Variants in ZNF236 observed in about 807,000 individuals in gnomAD.
The protein encoded by ZNF236 is regulated by glucose.
ZNF236 carries 50 observed loss-of-function variants against 191.2 expected under a neutral mutation model. The observed-to-expected ratio is 0.26, with a 90% CI of 0.21 to 0.33. The LOEUF (loss-of-function observed/expected upper bound fraction) is 0.33, where lower values mean the gene tolerates loss of function less well. Among genes scored for constraint, ZNF236 ranks in the 10% least tolerant of loss-of-function variants. ZNF236 has a pLI of 1.00. For missense variants in ZNF236, 1,754 were observed against 2,374.5 expected, an observed-to-expected ratio of 0.74 and a Z score of 5.43; for synonymous variants, 907 against 928.8, an observed-to-expected ratio of 0.98 and a Z score of 0.43.
intron 3 of ZNF236, among the ~76,000 whole-genome samples, chr18:76,859,228 A>G: frequency 8.7e-6 from 1 of 114,828 alleles, no homozygotes; most frequent in Non-Finnish European, 1.8e-5. Context: ...GTGGAGGAGA[A>G]AGGGGGAGAG....
chr18:76,922,729 G>A (rs1051787829), intron 20 of ZNF236, among the ~76,000 whole-genome samples: 7 of 151,962 alleles, frequency 4.6e-5, no homozygotes, highest in East Asian at 1.9e-4. Flanking sequence ...GTTAATTTTT[G>A]TATTTTCAGT....
intron 26 of ZNF236, among the ~76,000 whole-genome samples, chr18:76,943,122 CAA>C (rs530931580): frequency 2.3e-5 from 2 of 85,882 alleles, no homozygotes; most frequent in African/African-American, 4.9e-5. Flanking sequence ...GACTCCGTCT[CAA>C]AAAAAAAAAA....
chr18:76,849,933 G>A (rs1378940382), intron 2 of ZNF236, among the ~76,000 whole-genome samples: 1 of 152,170 alleles, frequency 6.6e-6, no homozygotes, highest in African/African-American at 2.4e-5. Context: ...TAAAAAATAT[G>A]ACTTTTTAAA....
chr18:76,950,351 G>A (rs111881724), intron 27 of ZNF236, among the ~76,000 whole-genome samples: 222 of 152,242 alleles, frequency 1.5e-3, no homozygotes, highest in African/African-American at 4.5e-3. Context: ...AATGTTCACC[G>A]CATCATCACC....
At chr18:76,915,517 A>G (rs1967332974) in intron 18 of ZNF236, 130 bp from the exon 19 acceptor site, 1 of 838,628 alleles carries the variant, frequency 1.2e-6, no homozygotes, top group Admixed American at 2.7e-5. Flanking sequence ...TTTTTTAACC[A>G]AAGTCTGTTA....
intron 13 of ZNF236, among the ~76,000 whole-genome samples, chr18:76,907,689 T>A (rs1029598354): frequency 7.2e-6 from 1 of 139,180 alleles, no homozygotes; most frequent in Non-Finnish European, 1.6e-5. Flanking sequence ...TTGTGTGAGA[T>A]TTTTTTCTTT....
At chr18:76,937,437 G>A in intron 26 of ZNF236, 94 bp downstream of exon 26, 1 of 1,207,764 alleles carries the variant, frequency 8.3e-7, no homozygotes, top group Non-Finnish European at 1.1e-6. Flanking sequence ...AATAGTCTGA[G>A]CATTTTTTTT....
intron 1 of ZNF236, among the ~76,000 whole-genome samples, chr18:76,841,699 T>TTTC (rs1975511610): frequency 6.6e-6 from 1 of 150,990 alleles, no homozygotes; most frequent in Non-Finnish European, 1.5e-5. Flanking sequence ...TTTTTCTTTT[T>TTTC]TTTTTTTTTC....
At chr18:76,900,212 T>G (rs979927674) in intron 11 of ZNF236, among the ~76,000 whole-genome samples, 1 of 152,166 alleles carries the variant, frequency 6.6e-6, no homozygotes, top group African/African-American at 2.4e-5. Flanking sequence ...GATTTTAGAT[T>G]GTTATAAATT....
chr18:76,915,725 A>T lies in ZNF236; in HGVS notation c.3140A>T (p.His1047Leu). Residue 1047 changes from histidine to leucine, a missense_variant, in exon 19 of 31, where the codon CAT becomes CTT. By Grantham distance (99) the His-to-Leu change is moderately conservative. Around this residue, in one of 5 missense-constraint regions of ZNF236, gnomAD observed 641 missense variants for 869.6 expected, o/e 0.74. Coordinates refer to ENST00000320610, the MANE Select transcript of ZNF236 (RefSeq NM_001306089.2). ...NGSLTRHMAT[H>L]MSMKPYKCPF... is the part of the protein sequence containing the mutation. ...AGCCTCACCCGGCACATGGCCACAC[A>T]TATGAGCATGAAGCCTTATAAGTGT... The T allele has an allele frequency of 6.2e-7, 1 of 1,614,202 alleles. No individual in the cohort carries two copies. Among genetic ancestry groups the T allele is most frequent in the Non-Finnish European group, 8.5e-7 (1 of 1,180,040 alleles).
intron 3 of ZNF236, among the ~76,000 whole-genome samples, chr18:76,861,528 A>G (rs1976224616): frequency 6.6e-6 from 1 of 152,206 alleles, no homozygotes; most frequent in Non-Finnish European, 1.5e-5. Context: ...GAAAGGAAGA[A>G]TCAGTATTGG....
intron 1 of ZNF236, among the ~76,000 whole-genome samples, chr18:76,836,469 G>A (rs895533773): frequency 6.6e-6 from 1 of 152,184 alleles, no homozygotes; most frequent in East Asian, 1.9e-4. Flanking sequence ...TCCTGCCTTA[G>A]CATCCCAAGT....
At chr18:76,926,761 A>AAT (rs1555697268) in intron 22 of ZNF236, among the ~76,000 whole-genome samples, 1 of 46,294 alleles carries the variant, frequency 2.2e-5, no homozygotes, top group Non-Finnish European at 5.3e-5. Flanking sequence ...GTGATTAGAC[A>AAT]GTGTGTGTGT....
chr18:76,949,926 G>T (rs1045324977), intron 27 of ZNF236, among the ~76,000 whole-genome samples: 2 of 151,804 alleles, frequency 1.3e-5, no homozygotes, highest in Non-Finnish European at 2.9e-5. Flanking sequence ...CACAGTGCTG[G>T]GATTACAGGC....
chr18:76,828,262 GT>G, intron 1 of ZNF236, among the ~76,000 whole-genome samples: 1 of 151,960 alleles, frequency 6.6e-6, no homozygotes, highest in African/African-American at 2.4e-5. Context: ...CGCCTCCCAG[GT>G]TCAAGTGATT....
chr18:76,937,232 C>A lies in ZNF236; in HGVS notation c.4671C>A (p.Val1557=). The A allele has an allele frequency of 6.2e-7, 1 of 1,614,170 alleles. No homozygotes were observed. The highest frequency in any genetic ancestry group is 1.1e-5 in the South Asian group (1 of 91,060). Residue 1557 remains valine (V), a synonymous_variant, in exon 26 of 31, where the codon GTC becomes GTA. Transcript: ENST00000320610. ...SPSAISTQNL[V]MSSSGVGGDA... Reference sequence around the variant, plus strand: ...CGGCCATCTCGACTCAGAACCTGGTCATGTCCTCGTCGGGCGTGGGAGGTG... The same window carrying A: ...CGGCCATCTCGACTCAGAACCTGGTAATGTCCTCGTCGGGCGTGGGAGGTG...
At chr18:76,827,617 C>T (rs1049336194) in intron 1 of ZNF236, among the ~76,000 whole-genome samples, 1 of 152,182 alleles carries the variant, frequency 6.6e-6, no homozygotes, top group African/African-American at 2.4e-5. Flanking sequence ...ACAGATTGGG[C>T]ACCTGAAGTC....
intron 27 of ZNF236, 54 bp from the exon 28 acceptor site, chr18:76,955,931 A>T: frequency 1.1e-5 from 17 of 1,563,060 alleles, no homozygotes; most frequent in Non-Finnish European, 1.5e-5. Context: ...CAGTTCACAA[A>T]CTGCACAAAT....
At position 76,867,350 on chromosome 18, in the gene ZNF236, T is replaced by C. The variant is rs1976447748; in HGVS notation, c.364-1335T>C. Among the ~76,000 whole-genome samples the C allele has an allele frequency of 1.3e-5, 2 of 152,086 alleles. 1 individual carries two copies. The highest frequency in any genetic ancestry group is 4.2e-4 in the South Asian group (2 of 4,814). On this transcript the variant is annotated intron_variant, in intron 3 of 30. Coordinates refer to ENST00000320610, the MANE Select transcript of ZNF236 (RefSeq NM_001306089.2). ...AGTAGTTTATTATTTCCTTAAATTA[T>C]TATACAATAATACTACTTTAAAGTT...
Sources: allele counts gnomAD v4.1 joint callset (sites outside exome capture counted in the v4.1 genomes callset), GRCh38; gene constraint gnomAD v4.1.1; regional missense constraint gnomAD v4.1.1; transcripts MANE v1.5; gene names NCBI Gene and HGNC (gene_info 2026-07-23, HGNC 2026-07-21).